The following DENND3 variants were observed in gnomAD, a reference collection of about 807,000 sequenced individuals.
DENND3 encodes DENN domain-containing protein 3.
Under a neutral mutation model 135.1 loss-of-function variants are expected in DENND3, and 88 were observed. The observed-to-expected ratio is 0.65, with a 90% CI of 0.55 to 0.78. The LOEUF (loss-of-function observed/expected upper bound fraction) is 0.78. Ranked by LOEUF, DENND3 falls within the 30% of genes least tolerant of loss-of-function variation. DENND3 has a pLI of 0.00. For missense variants in DENND3, 1,392 were observed against 1,688.4 expected, an observed-to-expected ratio of 0.82 and a Z score of 3.08; for synonymous variants, 693 against 712.3, an observed-to-expected ratio of 0.97 and a Z score of 0.43.
chr8:141,155,691 G>A (rs1271204867), intron 7 of DENND3, among the ~76,000 whole-genome samples, 158 bp from the exon 8 acceptor site: 1 of 152,184 alleles, frequency 6.6e-6, no homozygotes, highest in African/African-American at 2.4e-5. Context: ...ACAGGTATGA[G>A]TCACTGCACC....
chr8:141,184,379 A>G (rs1252966404), intron 17 of DENND3: 1 of 152,326 alleles, frequency 6.6e-6, no homozygotes, highest in Non-Finnish European at 1.5e-5. Flanking sequence ...GAGGGTGGCC[A>G]GAGCCCTGGA....
chr8:141,136,849 T>C, intron 2 of DENND3, 58 bp downstream of exon 2: 1 of 1,468,378 alleles, frequency 6.8e-7, no homozygotes, highest in South Asian at 1.4e-5. Flanking sequence ...CCCAGAGTGG[T>C]CTATTCCCAG....
At chr8:141,147,706 T>A (rs1459641625) in intron 5 of DENND3, among the ~76,000 whole-genome samples, 1 of 152,222 alleles carries the variant, frequency 6.6e-6, no homozygotes, top group Non-Finnish European at 1.5e-5. Flanking sequence ...TGTGTTTTTG[T>A]TTAATGTTCG....
intron 20 of DENND3, chr8:141,190,655 CCTG>C: frequency 3.9e-6 from 2 of 518,448 alleles, no homozygotes; most frequent in Admixed American, 4.0e-5. Context: ...GCCTGTCTTG[CCTG>C]GACGCACCAC....
At chr8:141,162,501 C>T (rs993852862) in intron 9 of DENND3, among the ~76,000 whole-genome samples, 1 of 152,168 alleles carries the variant, frequency 6.6e-6, no homozygotes, top group African/African-American at 2.4e-5. Flanking sequence ...ATAATTTATT[C>T]TCTCCAAGAA....
chr8:141,157,515 A>G (rs1331996526), intron 8 of DENND3: 1 of 985,732 alleles, frequency 1.0e-6, no homozygotes, highest in Non-Finnish European at 1.2e-6. Context: ...GGGAGCGCTT[A>G]GGCTTTTTGC....
rs1014386639 is a variant in DENND3 at position 141,175,107 on chromosome 8, T to C, written c.2276-93T>C. On this transcript the variant is annotated intron_variant, in intron 13 of 22. Coordinates refer to ENST00000519811, the MANE Select transcript of DENND3 (RefSeq NM_001352890.3). This position sits in a 1 kb window ranked among gnomAD's most constrained non-coding sequence, Gnocchi z 5.4. ...GGCGCCACCTGCTGCCGGGTTCCGG[T>C]AGTGTGCGGTTTCTTCAGGTCATGG... 3 of 1,446,166 alleles carry C rather than the reference T, an allele frequency of 2.1e-6. No homozygotes were observed. Among genetic ancestry groups the C allele is most frequent in the African/African-American group, 1.4e-5 (1 of 70,450 alleles). 89.6% of individuals were successfully genotyped at this position (1,446,166 alleles called of 1,614,324 possible). A position where few individuals can be genotyped will look rare whatever the true frequency, so the allele number is the denominator to read the frequency against.
intron 13 of DENND3, among the ~76,000 whole-genome samples, chr8:141,172,119 G>A (rs966980987): frequency 4.0e-5 from 6 of 148,902 alleles, no homozygotes; most frequent in African/African-American, 7.4e-5. Context: ...GGTGGTGGGC[G>A]TGCACGGTGG....
At chr8:141,181,142 G>C (rs1569556672) in intron 17 of DENND3, among the ~76,000 whole-genome samples, 1 of 152,214 alleles carries the variant, frequency 6.6e-6, no homozygotes, top group Non-Finnish European at 1.5e-5. Flanking sequence ...TCACCTTCTA[G>C]AGCAGTCGAC....
chr8:141,194,324 G>A lies in DENND3; in HGVS notation c.*91G>A. ...GCCAGGAGCAGAAGCCTGGAGGGGT[G>A]GCAGGGCAGAGCAGCCCAGGCTCAG... is the stretch of plus-strand genomic sequence containing the variant. On this transcript the variant is annotated 3_prime_UTR_variant, in exon 23 of 23. Coordinates refer to ENST00000519811, the MANE Select transcript of DENND3 (RefSeq NM_001352890.3). 6 of 1,474,324 alleles carry A rather than the reference G, an allele frequency of 4.1e-6. No individual in the cohort carries two copies. The highest frequency in any genetic ancestry group is 5.5e-6 in the Non-Finnish European group (6 of 1,086,364). The allele number at this position is 1,474,324 out of a possible 1,614,324, so 91.3% of individuals were successfully genotyped here.
intron 8 of DENND3, among the ~76,000 whole-genome samples, chr8:141,159,602 A>C (rs1439857668): frequency 6.6e-6 from 1 of 152,230 alleles, no homozygotes; most frequent in East Asian, 1.9e-4. Flanking sequence ...AGTGCCACGC[A>C]GGCAGGGGCT....
chr8:141,131,178 C>T (rs190349643), intron 1 of DENND3, among the ~76,000 whole-genome samples: 29 of 151,942 alleles, frequency 1.9e-4, no homozygotes, highest in Non-Finnish European at 3.1e-4. Flanking sequence ...GAATGGTGAC[C>T]GAGACTTTGA....
intron 9 of DENND3, among the ~76,000 whole-genome samples, chr8:141,161,911 C>T (rs973191837): frequency 1.3e-5 from 2 of 151,752 alleles, no homozygotes; most frequent in Non-Finnish European, 1.5e-5. Context: ...AGCAATTCTC[C>T]TGCCTCGGCC....
intron 1 of DENND3, among the ~76,000 whole-genome samples, chr8:141,131,246 A>G (rs1426354421): frequency 6.6e-6 from 1 of 152,088 alleles, no homozygotes; most frequent in Non-Finnish European, 1.5e-5. Context: ...CCCCTTTACT[A>G]TAGAGCCCTC....
intron 16 of DENND3, among the ~76,000 whole-genome samples, chr8:141,180,450 A>G (rs1258577252): frequency 1.3e-5 from 2 of 152,176 alleles, no homozygotes; most frequent in African/African-American, 4.8e-5. Flanking sequence ...GGAGCAGAGA[A>G]GAAGGCTGTG....
chr8:141,142,181 G>A, intron 4 of DENND3: 1 of 340,180 alleles, frequency 2.9e-6, no homozygotes, highest in South Asian at 2.1e-5. Context: ...CTTTTGTGAT[G>A]TTGGGGGCTG....
chr8:141,183,738 T>C (rs1195520184), intron 17 of DENND3, among the ~76,000 whole-genome samples: 1 of 131,402 alleles, frequency 7.6e-6, no homozygotes, highest in African/African-American at 3.9e-5. Context: ...TTTGTTTTGT[T>C]TTTTTTTTTT....
In DENND3 at chr8:141,167,646, A is replaced by T. The variant is rs1291443716; in HGVS notation, c.1754-358A>T. Among the ~76,000 whole-genome samples the T allele has an allele frequency of 6.6e-6, 1 of 152,186 alleles. No individual in the cohort carries two copies. Among genetic ancestry groups the T allele is most frequent in the Non-Finnish European group, 1.5e-5 (1 of 68,028 alleles). ...CTGAGTTGTCTTTAAGGTAAATGAA[A>T]CAATGGTTCTAAAGGGCTTCATCCT... On this transcript the variant is annotated intron_variant, in intron 12 of 22. Transcript: ENST00000519811. This position sits in a 1 kb window ranked among gnomAD's most constrained non-coding sequence, Gnocchi z 4.1.
intron 7 of DENND3, among the ~76,000 whole-genome samples, chr8:141,155,278 TACC>T (rs1819304787): frequency 6.6e-6 from 1 of 152,202 alleles, no homozygotes; most frequent in Non-Finnish European, 1.5e-5. Context: ...ATGTTTATTT[TACC>T]ACAATTAAGA....
Sources: allele counts gnomAD v4.1 joint callset (sites outside exome capture counted in the v4.1 genomes callset), GRCh38; gene constraint gnomAD v4.1.1; non-coding constraint Gnocchi (gnomAD v3.1); transcripts MANE v1.5; gene names NCBI Gene and HGNC (gene_info 2026-07-23, HGNC 2026-07-21).